GRIA4: variants seen among roughly 807,000 people sequenced by gnomAD.
The protein encoded by GRIA4 is glutamate receptor 4.
In GRIA4, 34 loss-of-function variants were observed where a neutral mutation model predicts 104.0. The ratio of observed to expected loss-of-function variants is 0.33; its 90% CI spans 0.25 to 0.44. The LOEUF is 0.44. Among genes scored for constraint, GRIA4 ranks in the 20% least tolerant of loss-of-function variants. GRIA4 has a pLI of 1.00. For missense variants in GRIA4, 750 were observed against 1,096.5 expected, an observed-to-expected ratio of 0.68 and a Z score of 4.46; for synonymous variants, 386 against 381.9, an observed-to-expected ratio of 1.01 and a Z score of -0.13.
intron 3 of GRIA4, among the ~76,000 whole-genome samples, chr11:105,658,911 A>G (rs1951923814): frequency 6.6e-6 from 1 of 152,008 alleles, no homozygotes; most frequent in South Asian, 2.1e-4. Flanking sequence ...GATGACAGAC[A>G]GACTGAATCC....
intron 12 of GRIA4, among the ~76,000 whole-genome samples, chr11:105,926,013 A>G (rs895360008): frequency 6.6e-6 from 1 of 152,076 alleles, no homozygotes; most frequent in African/African-American, 2.4e-5. Context: ...CCAGAGAAAG[A>G]GTGAAAAGAG....
chr11:105,692,232 A>T (rs938906522), intron 3 of GRIA4, among the ~76,000 whole-genome samples: 1 of 152,060 alleles, frequency 6.6e-6, no homozygotes, highest in Non-Finnish European at 1.5e-5. Context: ...CACATTACAT[A>T]TATAATCATT....
chr11:105,668,869 G>T (rs1395940303), intron 3 of GRIA4, among the ~76,000 whole-genome samples: 2 of 151,506 alleles, frequency 1.3e-5, no homozygotes, highest in Non-Finnish European at 2.9e-5. Context: ...AGTTTAAAAG[G>T]TATTTAGACA....
At chr11:105,776,666 T>G (rs958412299) in intron 4 of GRIA4, among the ~76,000 whole-genome samples, 1 of 152,168 alleles carries the variant, frequency 6.6e-6, no homozygotes, top group Admixed American at 6.5e-5. Context: ...GAGGTCTAGA[T>G]AGAAGTTCCT....
chr11:105,781,066 C>T (rs1012752710), intron 4 of GRIA4, among the ~76,000 whole-genome samples: 4 of 152,134 alleles, frequency 2.6e-5, no homozygotes, highest in Non-Finnish European at 5.9e-5. Context: ...AATGACTAGA[C>T]TTTTAAATTA....
chr11:105,830,552 A>C (rs938928601), intron 4 of GRIA4, among the ~76,000 whole-genome samples: 3 of 152,026 alleles, frequency 2.0e-5, no homozygotes, highest in Admixed American at 2.0e-4. Flanking sequence ...CATGTAGATG[A>C]TAAGCTAGAT....
At chr11:105,845,669 G>A (rs765189992) in intron 4 of GRIA4, among the ~76,000 whole-genome samples, 15 of 152,158 alleles carry the variant, frequency 9.9e-5, no homozygotes, top group Non-Finnish European at 2.2e-4. Context: ...AGATCGCGAG[G>A]TCAGGAGATA....
chr11:105,953,823 A>AG (rs1212274152), intron 14 of GRIA4, among the ~76,000 whole-genome samples: 1 of 152,180 alleles, frequency 6.6e-6, no homozygotes, highest in Non-Finnish European at 1.5e-5. Flanking sequence ...ATAAAAAAAA[A>AG]AGACTTTTTC....
chr11:105,709,740 T>C (rs770589018), intron 3 of GRIA4, among the ~76,000 whole-genome samples: 2 of 151,942 alleles, frequency 1.3e-5, no homozygotes, highest in Non-Finnish European at 2.9e-5. Context: ...AAGGGATAGG[T>C]ATTGGTGGAG....
intron 3 of GRIA4, among the ~76,000 whole-genome samples, chr11:105,709,115 A>G (rs1953816955): frequency 6.6e-6 from 1 of 152,148 alleles, no homozygotes; most frequent in Admixed American, 6.6e-5. Flanking sequence ...AAATAAGGAA[A>G]TGCTTATGAA....
In GRIA4 at chr11:105,981,616, T is replaced by C. The variant is rs1437710503; in HGVS notation, c.*1877T>C. 1.4e-5 allele frequency: 2 copies of C among 146,878 alleles called. No homozygotes were observed. The highest frequency in any genetic ancestry group is 1.4e-4 in the Admixed American group (2 of 14,720). The allele number at this position is 146,878 out of a possible 1,614,324, so 9.1% of individuals were successfully genotyped here. ...AAGTCCCTCAGGAAAAATTCCAAGC[T>C]CTTGAGAAGATCACATGAGCCCCTT... On this transcript the variant is annotated 3_prime_UTR_variant, in exon 17 of 17. Coordinates refer to ENST00000282499, the MANE Select transcript of GRIA4 (RefSeq NM_000829.4).
chr11:105,884,081 A>G lies in GRIA4; in HGVS notation c.673-3438A>G, dbSNP rs374209384. Among the ~76,000 whole-genome samples, 5 of 152,206 alleles carry G rather than the reference A, an allele frequency of 3.3e-5. No individual in the cohort carries two copies. The East Asian group carries it at 7.7e-4, about 23-fold the overall frequency. The stretch of plus-strand genomic sequence containing the variant: ...TCAGGAAGCACCGTTTCTTTCAAAA[A>G]TATAAAATATGCAGATTGTCTTCCC... On this transcript the variant is annotated intron_variant, in intron 5 of 16. Coordinates refer to ENST00000282499, the MANE Select transcript of GRIA4 (RefSeq NM_000829.4).
At chr11:105,818,538 T>A (rs1358470946) in intron 4 of GRIA4, among the ~76,000 whole-genome samples, 1 of 152,156 alleles carries the variant, frequency 6.6e-6, no homozygotes, top group African/African-American at 2.4e-5. Context: ...CATATAATAA[T>A]AGCAACAGAG....
intron 7 of GRIA4, among the ~76,000 whole-genome samples, chr11:105,900,834 T>C (rs761812775): frequency 4.6e-5 from 7 of 152,266 alleles, no homozygotes; most frequent in Non-Finnish European, 7.4e-5. Flanking sequence ...AAGTGATCTG[T>C]CCCAAAGTGC....
intron 3 of GRIA4, among the ~76,000 whole-genome samples, chr11:105,729,757 C>T (rs569280791): frequency 6.6e-6 from 1 of 152,112 alleles, no homozygotes; most frequent in African/African-American, 2.4e-5. Context: ...ATATCAAAAA[C>T]CACATGATTA....
intron 4 of GRIA4, among the ~76,000 whole-genome samples, chr11:105,843,628 A>G (rs1944471692): frequency 6.6e-6 from 1 of 152,196 alleles, no homozygotes; most frequent in Admixed American, 6.5e-5. Context: ...GAGATCTAGA[A>G]TCCTTTGCTC....
At chr11:105,851,925 C>T (rs574355068) in intron 4 of GRIA4, among the ~76,000 whole-genome samples, 22 of 152,320 alleles carry the variant, frequency 1.4e-4, no homozygotes, top group African/African-American at 5.3e-4. Context: ...TGAAGAAAAG[C>T]ACATCCTACT....
intron 3 of GRIA4, among the ~76,000 whole-genome samples, chr11:105,683,936 G>T (rs982105141): frequency 2.6e-5 from 4 of 151,774 alleles, no homozygotes; most frequent in African/African-American, 7.3e-5. Flanking sequence ...GTGCAATGGC[G>T]CCATCTCGGC....
intron 3 of GRIA4, among the ~76,000 whole-genome samples, chr11:105,678,793 A>T (rs964375838): frequency 3.3e-5 from 5 of 152,122 alleles, no homozygotes; most frequent in Admixed American, 6.6e-5. Context: ...ATTAAGGTAA[A>T]AGTATATTAT....
Sources: allele counts gnomAD v4.1 joint callset (sites outside exome capture counted in the v4.1 genomes callset), GRCh38; gene constraint gnomAD v4.1.1; transcripts MANE v1.5; gene names NCBI Gene and HGNC (gene_info 2026-07-23, HGNC 2026-07-21).